The following PPP1R21 variants were observed in gnomAD, a reference collection of about 807,000 sequenced individuals.
The protein encoded by PPP1R21 is KLRAQ motif containing 1.
A neutral mutation model predicts 112.8 loss-of-function variants in PPP1R21; 85 were observed. That is an observed-to-expected ratio of 0.75 (90% CI 0.63 to 0.90). The LOEUF is 0.90. PPP1R21 is among the 40% of genes least tolerant of loss of function. PPP1R21 has a pLI of 0.00. For synonymous variants in PPP1R21, 381 were observed against 322.3 expected, an observed-to-expected ratio of 1.18 and a Z score of -1.95; for missense variants, 1,199 against 901.5, an observed-to-expected ratio of 1.33 and a Z score of -4.23.
intron 7 of PPP1R21, among the ~76,000 whole-genome samples, chr2:48,461,884 T>C (rs1207503272): frequency 6.6e-6 from 1 of 152,082 alleles, no homozygotes; most frequent in Non-Finnish European, 1.5e-5. Flanking sequence ...TTGAAATTAA[T>C]ATTTTACTTC....
chr2:48,460,763 T>TA (rs914733604), intron 6 of PPP1R21, among the ~76,000 whole-genome samples: 2 of 152,258 alleles, frequency 1.3e-5, no homozygotes, highest in South Asian at 4.1e-4. Context: ...AGTATGTACT[T>TA]AAAAAAAGTC....
chr2:48,469,542 T>G (rs1668412903), intron 9 of PPP1R21, among the ~76,000 whole-genome samples: 1 of 112,874 alleles, frequency 8.9e-6, no homozygotes, highest in Non-Finnish European at 1.8e-5. Flanking sequence ...ATATAGAGCA[T>G]ATATATATAT....
chr2:48,448,388 C>T (rs889817485), intron 1 of PPP1R21, among the ~76,000 whole-genome samples: 2 of 152,170 alleles, frequency 1.3e-5, no homozygotes, highest in African/African-American at 4.8e-5. Flanking sequence ...AAATAGTCTG[C>T]AGTGTGCCTT....
At chr2:48,506,401 G>A (rs1236393546) in intron 18 of PPP1R21, among the ~76,000 whole-genome samples, 4 of 152,038 alleles carry the variant, frequency 2.6e-5, no homozygotes, top group Non-Finnish European at 5.9e-5. Context: ...GCCACTTTAA[G>A]ATGTAACTTT....
In PPP1R21 at chr2:48,515,248, T is replaced by TCTCTCTCTCTC. The variant is rs1247831452; in HGVS notation, c.*506_*507insCTCTCTCTCCT. 2 of 25,096 alleles carry TCTCTCTCTCTC rather than the reference T, an allele frequency of 8.0e-5. No individual in the cohort carries two copies. Among genetic ancestry groups the TCTCTCTCTCTC allele is most frequent in the African/African-American group, 3.3e-4 (2 of 6,124 alleles). The allele number at this position is 25,096 out of a possible 1,614,324, so 1.6% of individuals were successfully genotyped here. ...TCTCTCTCTCTCTCTCTCTCTCTCT[T>TCTCTCTCTCTC]CTTTCTCTCTGAGGGAGAGGGAGCC... On this transcript the variant is annotated 3_prime_UTR_variant, in exon 22 of 22. Coordinates refer to ENST00000294952, the MANE Select transcript of PPP1R21 (RefSeq NM_001135629.3).
chr2:48,449,549 G>A (rs1259198421), intron 1 of PPP1R21, among the ~76,000 whole-genome samples: 2 of 152,084 alleles, frequency 1.3e-5, no homozygotes, highest in Admixed American at 6.6e-5. Context: ...TGCTCAAACT[G>A]TTGAATATCC....
At chr2:48,460,228 C>T in intron 6 of PPP1R21, 75 bp downstream of exon 6, 3 of 1,421,202 alleles carry the variant, frequency 2.1e-6, no homozygotes, top group African/African-American at 1.4e-5. Context: ...GTAGCAGCTC[C>T]TCTGTTTTAA....
chr2:48,478,600 G>T (rs1221398599), intron 12 of PPP1R21, among the ~76,000 whole-genome samples: 1 of 152,144 alleles, frequency 6.6e-6, no homozygotes, highest in East Asian at 1.9e-4. Context: ...AATCAATTCA[G>T]TTTGGGCTCT....
intron 9 of PPP1R21, among the ~76,000 whole-genome samples, chr2:48,470,747 A>T (rs1015766703): frequency 6.6e-6 from 1 of 152,062 alleles, no homozygotes; most frequent in Admixed American, 6.6e-5. Context: ...GTGTTCAGGG[A>T]GGCTGACCTG....
chr2:48,447,726 A>C (rs2103742759), intron 1 of PPP1R21, among the ~76,000 whole-genome samples: 1 of 152,284 alleles, frequency 6.6e-6, no homozygotes, highest in Admixed American at 6.5e-5. Flanking sequence ...AGGTGGGCAG[A>C]TCACTTGAGG....
At chr2:48,475,554 A>G (rs574741279) in intron 12 of PPP1R21, among the ~76,000 whole-genome samples, 41 of 151,996 alleles carry the variant, frequency 2.7e-4, no homozygotes, top group Non-Finnish European at 4.9e-4. Flanking sequence ...ACTTCAAAAA[A>G]AGTATTTTCA....
chr2:48,513,714 C>G (rs1218852919), intron 21 of PPP1R21, among the ~76,000 whole-genome samples: 5 of 152,168 alleles, frequency 3.3e-5, no homozygotes, highest in Non-Finnish European at 5.9e-5. Context: ...AGTAAACATC[C>G]TCAACCATTT....
In PPP1R21 at chr2:48,514,584, T is replaced by A. The variant is rs1247928242; in HGVS notation, c.2314-131T>A. 5 of 710,884 alleles carry A rather than the reference T, an allele frequency of 7.0e-6. No homozygotes were observed. The Admixed American group carries it at 7.0e-5, about 10-fold the overall frequency. The allele number at this position is 710,884 out of a possible 1,614,324, so 44.0% of individuals were successfully genotyped here. A position where few individuals can be genotyped will look rare whatever the true frequency, so the allele number is the denominator to read the frequency against. Reference sequence around the variant, plus strand: ...AATAAAAGTTAACAATGCAAGGTTATCAGCTATTCTCCTTTTTGGAAGCTA... The same window carrying A: ...AATAAAAGTTAACAATGCAAGGTTAACAGCTATTCTCCTTTTTGGAAGCTA... On this transcript the variant is annotated intron_variant, in intron 21 of 21. Transcript: ENST00000294952.
rs1572906650 is a variant in PPP1R21, at chr2:48,514,755, G to A, written c.*11G>A. ...AACAAGAGTCGATAGTTTTGAAATAGCTGGTTGGCGACTGTTCTTTCCAGA... is the reference window on the plus strand; with the variant it reads ...AACAAGAGTCGATAGTTTTGAAATAACTGGTTGGCGACTGTTCTTTCCAGA... On this transcript the variant is annotated 3_prime_UTR_variant, in exon 22 of 22. Transcript: ENST00000294952. 6.2e-7 allele frequency: 1 copy of A among 1,612,536 alleles called. No homozygotes were observed. The highest frequency in any genetic ancestry group is 2.2e-5 in the East Asian group (1 of 44,858).
chr2:48,490,867 A>G (rs546592531), intron 14 of PPP1R21, 151 bp from the exon 15 acceptor site: 77 of 651,592 alleles, frequency 1.2e-4, no homozygotes, highest in African/African-American at 1.1e-3. Context: ...GTATTCTCAA[A>G]TAAATAAATG....
chr2:48,475,573 C>G (rs950553450), intron 12 of PPP1R21, among the ~76,000 whole-genome samples: 1 of 151,894 alleles, frequency 6.6e-6, no homozygotes, highest in Admixed American at 6.6e-5. Flanking sequence ...CAGGGCCGGG[C>G]GCGGTGGCTC....
At chr2:48,484,467 A>G (rs1044832751) in intron 13 of PPP1R21, among the ~76,000 whole-genome samples, 1 of 152,168 alleles carries the variant, frequency 6.6e-6, no homozygotes, top group African/African-American at 2.4e-5. Context: ...TTTAATGTCA[A>G]GAAACACTCT....
intron 21 of PPP1R21, among the ~76,000 whole-genome samples, chr2:48,513,397 A>G (rs536097847): frequency 2.0e-5 from 3 of 151,362 alleles, no homozygotes; most frequent in East Asian, 1.9e-4. Flanking sequence ...TATTTTTGCA[A>G]CAGGGTTTCA....
chr2:48,440,862 C>A lies in PPP1R21; in HGVS notation c.-92C>A. ...GCGGTGGCCAAGCAGGCAGATACTG[C>A]CTGACCCGTTCCCGGGAGCGTGTCT... On this transcript the variant is annotated 5_prime_UTR_variant, in exon 1 of 22. Coordinates refer to ENST00000294952, the MANE Select transcript of PPP1R21 (RefSeq NM_001135629.3). The A allele has an allele frequency of 2.1e-6, 2 of 931,716 alleles. No individual in the cohort carries two copies. Among genetic ancestry groups the A allele is most frequent in the Admixed American group, 2.3e-5 (1 of 44,156 alleles). 57.7% of individuals were successfully genotyped at this position (931,716 alleles called of 1,614,324 possible).
Sources: gnomAD v4.1 joint callset for allele counts (sites outside exome capture counted in the v4.1 genomes callset) on GRCh38, gnomAD v4.1.1 for gene constraint, MANE v1.5 for transcripts, NCBI Gene and HGNC (gene_info 2026-07-23, HGNC 2026-07-21) for gene names.